Variants in SOX5 observed in about 807,000 individuals in gnomAD.
The protein encoded by SOX5 is SRY-box transcription factor 5, also known as transcription factor SOX-5.
Under a neutral mutation model 92.0 loss-of-function variants are expected in SOX5, and 9 were observed. The ratio of observed to expected loss-of-function variants is 0.10; its 90% CI spans 0.06 to 0.17. The LOEUF is 0.17. Among genes scored for constraint, SOX5 ranks in the 10% least tolerant of loss-of-function variants. The probability of loss-of-function intolerance (pLI) is 1.00; values close to 1 mark genes in which losing one functional copy is unlikely to be tolerated. For missense variants in SOX5, 642 were observed against 944.5 expected (o/e 0.68, Z 4.20); for synonymous variants, 344 against 336.3 (o/e 1.02, Z -0.25).
chr12:23,808,615 A>C (rs1425807766), intron 3 of SOX5, among the ~76,000 whole-genome samples: 2 of 152,186 alleles, frequency 1.3e-5, no homozygotes, highest in Admixed American at 1.3e-4. Context: ...AAAATAAGAT[A>C]ATTTTATCAC....
At chr12:24,377,563 T>C (rs1957413633) in intron 1 of SOX5, among the ~76,000 whole-genome samples, 1 of 152,254 alleles carries the variant, frequency 6.6e-6, no homozygotes, top group Non-Finnish European at 1.5e-5. Context: ...GTTCATTTTA[T>C]TCTAAAGATA....
intron 4 of SOX5, among the ~76,000 whole-genome samples, chr12:23,752,215 G>A (rs1489992144): frequency 6.6e-6 from 1 of 151,486 alleles, no homozygotes; most frequent in African/African-American, 2.4e-5. Flanking sequence ...TTAATGCACC[G>A]TGACCAGGGT....
intron 2 of SOX5, among the ~76,000 whole-genome samples, chr12:23,888,511 A>G (rs1231754167): frequency 6.6e-6 from 1 of 152,162 alleles, no homozygotes; most frequent in Non-Finnish European, 1.5e-5. Flanking sequence ...ACATCATATG[A>G]ATGAATCAAA....
intron 2 of SOX5, among the ~76,000 whole-genome samples, chr12:23,890,963 A>C (rs1392943206): frequency 6.6e-6 from 1 of 152,204 alleles, no homozygotes; most frequent in African/African-American, 2.4e-5. Context: ...TGAGAATCAA[A>C]TGTTGCTCTT....
At chr12:24,530,378 A>T (rs1299630010) in intron 1 of SOX5, among the ~76,000 whole-genome samples, 1 of 152,158 alleles carries the variant, frequency 6.6e-6, no homozygotes, top group African/African-American at 2.4e-5. Flanking sequence ...TAATGAAAAA[A>T]CTGGGTTGGG....
At chr12:23,743,170 G>C (rs2093860005) in intron 4 of SOX5, among the ~76,000 whole-genome samples, 1 of 152,026 alleles carries the variant, frequency 6.6e-6, no homozygotes, top group South Asian at 2.1e-4. Flanking sequence ...AAAGCAGTTG[G>C]AGAGAAATGA....
chr12:23,749,609 T>C lies in SOX5; in HGVS notation c.568+6029A>G, dbSNP rs1339258823. On this transcript the variant is annotated intron_variant, in intron 4 of 14. Coordinates refer to ENST00000451604, the MANE Select transcript of SOX5 (RefSeq NM_006940.6). The stretch of plus-strand genomic sequence containing the variant: ...ATGAAAGAGATGTACGCATTATAAT[T>C]TCTATAGTGAGTGAAAGGGTTATTC... Among the ~76,000 whole-genome samples the C allele has an allele frequency of 2.0e-5, 3 of 151,880 alleles. 1 individual carries two copies. The highest frequency in any genetic ancestry group is 7.2e-5 in the African/African-American group (3 of 41,412).
chr12:23,928,791 G>A (rs1940696653), intron 1 of SOX5, among the ~76,000 whole-genome samples: 1 of 151,644 alleles, frequency 6.6e-6, no homozygotes, highest in Admixed American at 6.6e-5. Flanking sequence ...AGGTCTTATG[G>A]CTAATAAAAG....
chr12:23,828,834 G>C (rs2096272022), intron 3 of SOX5, among the ~76,000 whole-genome samples: 1 of 151,606 alleles, frequency 6.6e-6, no homozygotes, highest in South Asian at 2.1e-4. Context: ...CAAAAAATGA[G>C]AGCAAGGAGC....
intron 2 of SOX5, among the ~76,000 whole-genome samples, chr12:24,325,680 T>C (rs970657284): frequency 1.3e-5 from 2 of 152,224 alleles, no homozygotes; most frequent in African/African-American, 2.4e-5. Context: ...AGACATGTTT[T>C]AGATATGATA....
chr12:24,534,994 C>T (rs533315258), intron 1 of SOX5, among the ~76,000 whole-genome samples: 146 of 152,310 alleles, frequency 9.6e-4, no homozygotes, highest in African/African-American at 3.2e-3. Flanking sequence ...GTCAATTTGC[C>T]CAGCTCCATG....
At chr12:24,528,326 T>C (rs1950894299) in intron 1 of SOX5, among the ~76,000 whole-genome samples, 1 of 152,190 alleles carries the variant, frequency 6.6e-6, no homozygotes, top group Non-Finnish European at 1.5e-5. Context: ...CTGGAGGTCT[T>C]TCCCTCATCT....
At chr12:24,102,672 G>C (rs759694592) in intron 4 of SOX5, among the ~76,000 whole-genome samples, 1 of 152,158 alleles carries the variant, frequency 6.6e-6, no homozygotes, top group Non-Finnish European at 1.5e-5. Context: ...ACATCTTCTA[G>C]AATAGCACAG....
At position 24,095,128 on chromosome 12, in the gene SOX5, C is replaced by CAGAGAG. The variant is rs764681203; in HGVS notation, c.-2+118209_-2+118214dup. Among the ~76,000 whole-genome samples, 426 of 90,212 alleles carry CAGAGAG rather than the reference C, an allele frequency of 4.7e-3. 3 individuals are homozygous for CAGAGAG. The highest frequency in any genetic ancestry group is 7.0e-3 in the Middle Eastern group (1 of 142). The allele number at this position is 90,212 out of a possible 152,430, so 59.2% of individuals were successfully genotyped here. ...ACACACACACACACACACACACACA[C>CAGAGAG]AGAGAGAGAGAGAGAGAGAGAGAGA... On this transcript the variant is annotated intron_variant, in intron 4 of 4. Coordinates refer to the SOX5 transcript ENST00000446891.
At chr12:24,359,755 G>A (rs1158327368) in intron 2 of SOX5, among the ~76,000 whole-genome samples, 1 of 152,140 alleles carries the variant, frequency 6.6e-6, no homozygotes, top group Non-Finnish European at 1.5e-5. Context: ...TTTGTCATCA[G>A]CTTCTAAGAC....
At chr12:24,262,620 A>C (rs1942315394) in intron 3 of SOX5, among the ~76,000 whole-genome samples, 1 of 152,170 alleles carries the variant, frequency 6.6e-6, no homozygotes, top group Non-Finnish European at 1.5e-5. Flanking sequence ...CAGCTTCTTG[A>C]TGCAAAGAGC....
chr12:23,922,537 A>C (rs1156371530), intron 1 of SOX5, among the ~76,000 whole-genome samples: 3 of 152,118 alleles, frequency 2.0e-5, no homozygotes, highest in Admixed American at 6.5e-5. Context: ...TACAAATATT[A>C]CTCTCTGATT....
intron 4 of SOX5, among the ~76,000 whole-genome samples, chr12:23,978,466 A>G (rs985915642): frequency 2.0e-5 from 3 of 152,220 alleles, no homozygotes; most frequent in South Asian, 2.1e-4. Flanking sequence ...CAGAGATGTG[A>G]TATCTAGCTT....
intron 3 of SOX5, among the ~76,000 whole-genome samples, chr12:24,232,567 G>A (rs2139957204): frequency 6.6e-6 from 1 of 152,282 alleles, no homozygotes; most frequent in South Asian, 2.1e-4. Context: ...CTAGAGACAT[G>A]CCCCAGGACA....
Sources: gnomAD v4.1 joint callset for allele counts (sites outside exome capture counted in the v4.1 genomes callset) on GRCh38, gnomAD v4.1.1 for gene constraint, MANE v1.5 for transcripts, NCBI Gene and HGNC (gene_info 2026-07-23, HGNC 2026-07-21) for gene names.